Variants in PCSK2 observed in about 807,000 individuals in gnomAD.
PCSK2 encodes neuroendocrine convertase 2.
In PCSK2, 14 loss-of-function variants were observed where a neutral mutation model predicts 69.7. That is an observed-to-expected ratio of 0.20 (90% CI 0.13 to 0.31). PCSK2 has a LOEUF of 0.31. PCSK2 is among the 10% of genes least tolerant of loss of function. The probability of loss-of-function intolerance (pLI) is 1.00; values close to 1 mark genes in which losing one functional copy is unlikely to be tolerated. For missense variants in PCSK2, 544 were observed against 842.5 expected (o/e 0.65, Z 4.39); for synonymous variants, 307 against 320.7 (o/e 0.96, Z 0.46).
intron 1 of PCSK2, among the ~76,000 whole-genome samples, chr20:17,245,822 C>T (rs1986750569): frequency 1.3e-5 from 2 of 152,168 alleles, no homozygotes; most frequent in Admixed American, 1.3e-4. Flanking sequence ...CAGCACAATG[C>T]TTTCAATCTG....
At chr20:17,389,246 C>T (rs1351736855) in intron 5 of PCSK2, among the ~76,000 whole-genome samples, 1 of 152,102 alleles carries the variant, frequency 6.6e-6, no homozygotes, top group Non-Finnish European at 1.5e-5. Flanking sequence ...CCATGTACAG[C>T]TCAGGTTGGG....
intron 9 of PCSK2, 21 bp from the exon 10 acceptor site, chr20:17,456,327 A>G (rs1239391600): frequency 1.4e-6 from 2 of 1,384,098 alleles, no homozygotes; most frequent in African/African-American, 1.4e-5. Flanking sequence ...TCCACTCATT[A>G]CTCATTATCT....
chr20:17,409,375 G>C, intron 6 of PCSK2, 36 bp downstream of exon 6: 2 of 1,430,990 alleles, frequency 1.4e-6, no homozygotes, highest in Non-Finnish European at 9.9e-7. Context: ...TTGACTTTAG[G>C]CTTTGGGGTT....
chr20:17,418,621 A>T (rs1193842758), intron 6 of PCSK2, among the ~76,000 whole-genome samples: 1 of 152,132 alleles, frequency 6.6e-6, no homozygotes, highest in Non-Finnish European at 1.5e-5. Context: ...CTCTCATTAC[A>T]CTCAAGATAA....
chr20:17,268,029 ATGTG>A (rs1416851305), intron 2 of PCSK2, among the ~76,000 whole-genome samples: 4 of 43,460 alleles, frequency 9.2e-5, no homozygotes, highest in African/African-American at 3.5e-4. Context: ...TATATATCCA[ATGTG>A]TATATATATA....
chr20:17,456,328 C>T lies in PCSK2; in HGVS notation c.1102-20C>T. ...AATAGCGTGATTTATCCACTCATTA[C>T]TCATTATCTTCCCTTCCAGGCAACC... is the stretch of plus-strand genomic sequence containing the variant. On this transcript the variant is annotated intron_variant, in intron 9 of 11. Transcript: ENST00000262545. 1 of 1,428,824 alleles carries T rather than the reference C, an allele frequency of 7.0e-7. No homozygotes were observed. The highest frequency in any genetic ancestry group is 9.9e-7 in the Non-Finnish European group (1 of 1,011,452). The allele number at this position is 1,428,824 out of a possible 1,614,324, so 88.5% of individuals were successfully genotyped here.
intron 11 of PCSK2, among the ~76,000 whole-genome samples, chr20:17,466,647 G>A (rs983368968): frequency 1.8e-4 from 28 of 152,170 alleles, no homozygotes; most frequent in African/African-American, 6.5e-4. Flanking sequence ...AATGGAGATA[G>A]TAATTTTTAT....
At chr20:17,365,251 G>A (rs2030551529) in intron 4 of PCSK2, among the ~76,000 whole-genome samples, 1 of 152,174 alleles carries the variant, frequency 6.6e-6, no homozygotes, top group Admixed American at 6.5e-5. Flanking sequence ...GGCAGAAGGG[G>A]TAACAAAGGG....
At chr20:17,341,382 T>G (rs1187220096) in intron 2 of PCSK2, among the ~76,000 whole-genome samples, 2 of 152,188 alleles carry the variant, frequency 1.3e-5, no homozygotes, top group Non-Finnish European at 2.9e-5. Flanking sequence ...CTCACACACT[T>G]GAAAGTTGTG....
intron 5 of PCSK2, among the ~76,000 whole-genome samples, chr20:17,398,965 A>G (rs1158392142): frequency 6.6e-6 from 1 of 152,204 alleles, no homozygotes; most frequent in African/African-American, 2.4e-5. Context: ...GAGACACCCC[A>G]GCTAAGGGCA....
At chr20:17,423,041 A>G (rs750314394) in intron 6 of PCSK2, among the ~76,000 whole-genome samples, 19 of 152,198 alleles carry the variant, frequency 1.2e-4, no homozygotes, top group Non-Finnish European at 2.5e-4. Context: ...CTTTATGATC[A>G]TGACATAGGG....
chr20:17,304,487 T>A lies in PCSK2; in HGVS notation c.282+44143T>A, dbSNP rs138156210. ...CAATTACTGGTTAATAGATAGAATTTTCTGAAACGGAGCACAGGAAGCTAT... is the reference window on the plus strand; with the variant it reads ...CAATTACTGGTTAATAGATAGAATTATCTGAAACGGAGCACAGGAAGCTAT... On this transcript the variant is annotated intron_variant, in intron 2 of 11. Coordinates refer to ENST00000262545, the MANE Select transcript of PCSK2 (RefSeq NM_002594.5). 9.6e-3 allele frequency among the ~76,000 whole-genome samples: 1,457 copies of A among 152,354 alleles called. 17 individuals are homozygous for A. Among genetic ancestry groups the A allele is most frequent in the African/African-American group, 0.032 (1,346 of 41,580 alleles).
At position 17,307,937 on chromosome 20, in the gene PCSK2, T is replaced by A. The variant is rs1054035422; in HGVS notation, c.282+47593T>A. Among the ~76,000 whole-genome samples the A allele has an allele frequency of 2.6e-5, 4 of 152,306 alleles. No individual in the cohort carries two copies. The East Asian group carries it at 7.7e-4, about 29-fold the overall frequency. Reference sequence around the variant, plus strand: ...AGTGGCTTCTGCTTCTGGGGAGATTTCTGGAAGCTTCCAATCATGGCAGAA... The same window carrying A: ...AGTGGCTTCTGCTTCTGGGGAGATTACTGGAAGCTTCCAATCATGGCAGAA... On this transcript the variant is annotated intron_variant, in intron 2 of 11. Transcript: ENST00000262545.
chr20:17,476,348 A>G (rs576504376), intron 11 of PCSK2, among the ~76,000 whole-genome samples: 160 of 152,344 alleles, frequency 1.1e-3, no homozygotes, highest in Non-Finnish European at 2.0e-3. Context: ...ACAAGTGGTT[A>G]TATAATAACA....
At chr20:17,334,955 CTCAGAAA>C (rs1990303563) in intron 2 of PCSK2, among the ~76,000 whole-genome samples, 1 of 152,190 alleles carries the variant, frequency 6.6e-6, no homozygotes, top group East Asian at 1.9e-4. Flanking sequence ...AAACCGGCAA[CTCAGAAA>C]TTGTGTGACT....
At chr20:17,369,398 G>A in intron 5 of PCSK2, 121 bp downstream of exon 5, 9 of 690,254 alleles carry the variant, frequency 1.3e-5, no homozygotes, top group Non-Finnish European at 2.1e-5. Flanking sequence ...ACAGGAGCAT[G>A]CACACACACA....
In PCSK2 at chr20:17,360,522, C is replaced by T. The variant is rs371918657; in HGVS notation, c.397-10C>T. On this transcript the variant is annotated splice_polypyrimidine_tract_variant and intron_variant, in intron 3 of 11. Coordinates refer to ENST00000262545, the MANE Select transcript of PCSK2 (RefSeq NM_002594.5). ...TAATACCATTCTCTGCTTTGAAATTCCTGTACCAGATCAATACTGGGCAAG... is the reference window on the plus strand; with the variant it reads ...TAATACCATTCTCTGCTTTGAAATTTCTGTACCAGATCAATACTGGGCAAG... 1.6e-4 allele frequency: 250 copies of T among 1,562,496 alleles called. No individual in the cohort carries two copies. Among genetic ancestry groups the T allele is most frequent in the Non-Finnish European group, 2.0e-4 (230 of 1,135,952 alleles).
At chr20:17,481,034 A>T (rs1160151503) in intron 11 of PCSK2, among the ~76,000 whole-genome samples, 1 of 152,144 alleles carries the variant, frequency 6.6e-6, no homozygotes, top group Admixed American at 6.5e-5. Flanking sequence ...CTCAGGAGGG[A>T]CATCACAGCA....
At chr20:17,250,262 A>C (rs1296808899) in intron 1 of PCSK2, among the ~76,000 whole-genome samples, 1 of 152,184 alleles carries the variant, frequency 6.6e-6, no homozygotes, top group African/African-American at 2.4e-5. Flanking sequence ...AGTTTCCTCT[A>C]ATTTGGAAAA....
Sources: gnomAD v4.1 joint callset for allele counts (sites outside exome capture counted in the v4.1 genomes callset) on GRCh38, gnomAD v4.1.1 for gene constraint, MANE v1.5 for transcripts, NCBI Gene and HGNC (gene_info 2026-07-23, HGNC 2026-07-21) for gene names.